The following CACNA2D3 variants were observed in gnomAD, a reference collection of about 807,000 sequenced individuals.
The protein encoded by CACNA2D3 is voltage-dependent calcium channel subunit alpha-2/delta-3.
CACNA2D3 carries 60 observed loss-of-function variants against 160.6 expected under a neutral mutation model. The ratio of observed to expected loss-of-function variants is 0.37; its 90% CI spans 0.30 to 0.46. The LOEUF (loss-of-function observed/expected upper bound fraction) is 0.46, where lower values mean the gene tolerates loss of function less well. Ranked by LOEUF, CACNA2D3 falls within the 20% of genes least tolerant of loss-of-function variation. CACNA2D3 has a pLI of 1.00. For missense variants in CACNA2D3, 1,205 were observed against 1,365.0 expected, an observed-to-expected ratio of 0.88 and a Z score of 1.85; for synonymous variants, 558 against 492.9, an observed-to-expected ratio of 1.13 and a Z score of -1.75.
chr3:54,904,314 T>G (rs2106897534), intron 27 of CACNA2D3, among the ~76,000 whole-genome samples: 1 of 152,212 alleles, frequency 6.6e-6, no homozygotes, highest in Non-Finnish European at 1.5e-5. Flanking sequence ...CATATCAGGG[T>G]AGAAATGACC....
chr3:55,029,194 T>G (rs375860159), intron 35 of CACNA2D3, among the ~76,000 whole-genome samples: 3 of 152,158 alleles, frequency 2.0e-5, no homozygotes, highest in African/African-American at 7.2e-5. Flanking sequence ...GACACAGCAT[T>G]TTCCTTGAGT....
chr3:54,451,469 T>C (rs1232934535), intron 4 of CACNA2D3, among the ~76,000 whole-genome samples: 2 of 152,094 alleles, frequency 1.3e-5, no homozygotes, highest in African/African-American at 2.4e-5. Flanking sequence ...AGTGGATTCA[T>C]GCCATTAGAC....
intron 4 of CACNA2D3, among the ~76,000 whole-genome samples, chr3:54,467,031 T>G (rs1700640596): frequency 1.3e-5 from 2 of 152,336 alleles, no homozygotes; most frequent in South Asian, 2.1e-4. Flanking sequence ...ACTTTTAAAC[T>G]TAAAAGTTAA....
chr3:54,243,151 G>C (rs898182499), intron 2 of CACNA2D3, among the ~76,000 whole-genome samples: 8 of 152,112 alleles, frequency 5.3e-5, no homozygotes, highest in African/African-American at 1.9e-4. Context: ...CCACTCTCCA[G>C]CTCCCCTGTG....
At position 54,265,661 on chromosome 3, in the gene CACNA2D3, A is replaced by ATATATATAGTGTG. The variant is rs1559901419; in HGVS notation, c.205-54779_205-54767dup. Among the ~76,000 whole-genome samples the ATATATATAGTGTG allele has an allele frequency of 6.4e-4, 44 of 69,168 alleles. 1 individual carries two copies. The highest frequency in any genetic ancestry group is 1.1e-3 in the Non-Finnish European group (31 of 28,854). The allele number at this position is 69,168 out of a possible 152,430, so 45.4% of individuals were successfully genotyped here. A position where few individuals can be genotyped will look rare whatever the true frequency, so the allele number is the denominator to read the frequency against. On this transcript the variant is annotated intron_variant, in intron 2 of 37. Transcript: ENST00000474759. ...TATATAGTGTGTATATATATAGTGT[A>ATATATATAGTGTG]TATATATAGTGTGTGTATATATATA... is the stretch of plus-strand genomic sequence containing the variant.
intron 13 of CACNA2D3, among the ~76,000 whole-genome samples, chr3:54,779,608 G>T (rs1702494134): frequency 6.6e-6 from 1 of 152,116 alleles, no homozygotes; most frequent in South Asian, 2.1e-4. Context: ...CAGCTGTGCT[G>T]GTCACCTTTT....
intron 12 of CACNA2D3, among the ~76,000 whole-genome samples, chr3:54,762,948 C>T (rs903698361): frequency 4.6e-5 from 7 of 151,888 alleles, no homozygotes; most frequent in Admixed American, 6.6e-5. Context: ...AACAGCCGGG[C>T]GTGGTGGCGG....
intron 4 of CACNA2D3, among the ~76,000 whole-genome samples, chr3:54,462,145 C>T (rs6445667): frequency 0.99 from 150,526 of 151,992 alleles, 74,549 homozygotes; most frequent in Middle Eastern, 1. Flanking sequence ...TGAGAGACAG[C>T]TTGTTATAAT....
intron 2 of CACNA2D3, among the ~76,000 whole-genome samples, chr3:54,251,418 A>C (rs935264960): frequency 6.6e-6 from 1 of 152,238 alleles, no homozygotes; most frequent in Non-Finnish European, 1.5e-5. Flanking sequence ...TATCTGTATA[A>C]CTGTCTTAAT....
chr3:55,052,665 G>T (rs1287815765), intron 35 of CACNA2D3, among the ~76,000 whole-genome samples: 2 of 151,922 alleles, frequency 1.3e-5, no homozygotes, highest in South Asian at 4.1e-4. Context: ...TTTGAGGTTT[G>T]GTCATTAGAT....
intron 35 of CACNA2D3, among the ~76,000 whole-genome samples, chr3:55,052,565 A>C (rs9830891): frequency 0.18 from 27,394 of 151,876 alleles, 2,640 homozygotes; most frequent in Non-Finnish European, 0.19. Context: ...TTTTCTGTTC[A>C]TTACCAAGAG....
intron 2 of CACNA2D3, among the ~76,000 whole-genome samples, chr3:54,146,627 G>A (rs1013692857): frequency 6.6e-6 from 1 of 152,192 alleles, no homozygotes; most frequent in African/African-American, 2.4e-5. Flanking sequence ...TCTTTGATGA[G>A]TGAGCTCCAC....
intron 25 of CACNA2D3, among the ~76,000 whole-genome samples, chr3:54,893,140 G>T (rs137893337): frequency 6.6e-6 from 1 of 152,258 alleles, no homozygotes; most frequent in African/African-American, 2.4e-5. Flanking sequence ...GCCGGGCATG[G>T]TGGCACACAC....
intron 11 of CACNA2D3, among the ~76,000 whole-genome samples, chr3:54,652,266 G>T (rs1699782845): frequency 6.6e-6 from 1 of 152,194 alleles, no homozygotes; most frequent in African/African-American, 2.4e-5. Context: ...AGCTGTCTTA[G>T]GGTAATGCAT....
chr3:54,766,161 C>CA (rs1383533593), intron 13 of CACNA2D3, among the ~76,000 whole-genome samples: 1 of 151,898 alleles, frequency 6.6e-6, no homozygotes, highest in Non-Finnish European at 1.5e-5. Context: ...TTTTGTAAGC[C>CA]AAAAACACAT....
At chr3:55,012,655 A>C (rs541992480) in intron 34 of CACNA2D3, among the ~76,000 whole-genome samples, 1 of 152,300 alleles carries the variant, frequency 6.6e-6, no homozygotes, top group East Asian at 1.9e-4. Flanking sequence ...TTTTGCTGTC[A>C]TAGCATGGGG....
intron 2 of CACNA2D3, among the ~76,000 whole-genome samples, chr3:54,202,428 A>G (rs1032164623): frequency 2.0e-5 from 3 of 152,230 alleles, no homozygotes; most frequent in African/African-American, 4.8e-5. Flanking sequence ...CGTCTTCTTC[A>G]TGCCATCTTC....
chr3:54,423,707 G>A (rs1699871499), intron 4 of CACNA2D3, among the ~76,000 whole-genome samples: 1 of 152,082 alleles, frequency 6.6e-6, no homozygotes, highest in Non-Finnish European at 1.5e-5. Flanking sequence ...TGAGTAAAAA[G>A]TGCCTTAGCC....
chr3:54,432,252 C>G (rs1441743249), intron 4 of CACNA2D3, among the ~76,000 whole-genome samples: 1 of 152,092 alleles, frequency 6.6e-6, no homozygotes, highest in Non-Finnish European at 1.5e-5. Flanking sequence ...TCCTTCTGAA[C>G]CTTCTAATTT....
Sources: gnomAD v4.1 joint callset for allele counts (sites outside exome capture counted in the v4.1 genomes callset) on GRCh38, gnomAD v4.1.1 for gene constraint, MANE v1.5 for transcripts, NCBI Gene and HGNC (gene_info 2026-07-23, HGNC 2026-07-21) for gene names.